RBFOX1: variants seen among roughly 807,000 people sequenced by gnomAD.
RBFOX1 encodes the protein RNA binding fox-1 homolog 1.
RBFOX1 carries 8 observed loss-of-function variants against 57.7 expected under a neutral mutation model. That is an observed-to-expected ratio of 0.14 (90% CI 0.08 to 0.25). The LOEUF is 0.25. Ranked by LOEUF, RBFOX1 falls within the 10% of genes least tolerant of loss-of-function variation. RBFOX1 has a pLI of 1.00. For missense variants in RBFOX1, 611 were observed against 548.5 expected (o/e 1.11, Z -1.14); for synonymous variants, 326 against 222.4 (o/e 1.47, Z -4.15).
At chr16:6,840,887 C>CA (rs1165695098) in intron 3 of RBFOX1, among the ~76,000 whole-genome samples, 1,891 of 45,510 alleles carry the variant, frequency 0.042, 28 homozygotes, top group Non-Finnish European at 0.046. Flanking sequence ...GACTCTGTCT[C>CA]AAAAAAAAAA....
At chr16:5,742,047 G>A (rs1441934847) in intron 3 of RBFOX1, among the ~76,000 whole-genome samples, 1 of 152,102 alleles carries the variant, frequency 6.6e-6, no homozygotes, top group African/African-American at 2.4e-5. Context: ...TAATAAATCA[G>A]ATTTTTAAAA....
chr16:6,209,561 C>G (rs1388024367), intron 1 of RBFOX1, among the ~76,000 whole-genome samples: 2 of 152,332 alleles, frequency 1.3e-5, no homozygotes, highest in East Asian at 3.9e-4. Flanking sequence ...GCAGTAAAAA[C>G]TCTGACCATA....
chr16:7,492,697 TTGG>T (rs1304095339), intron 4 of RBFOX1, among the ~76,000 whole-genome samples: 2 of 152,014 alleles, frequency 1.3e-5, no homozygotes, highest in African/African-American at 4.8e-5. Context: ...TGCCATACCC[TTGG>T]TGGTAGTGGC....
intron 3 of RBFOX1, among the ~76,000 whole-genome samples, chr16:6,674,880 G>A (rs933294364): frequency 2.0e-5 from 3 of 151,934 alleles, no homozygotes; most frequent in African/African-American, 7.3e-5. Flanking sequence ...TTACTGTTGT[G>A]TTTTTTGTTT....
rs115363591 is a variant in RBFOX1, at chr16:5,898,953, C to T, written c.351+31618C>T. On this transcript the variant is annotated intron_variant, in intron 4 of 19. Coordinates refer to the RBFOX1 transcript ENST00000641259. The stretch of plus-strand genomic sequence containing the variant: ...TGTCATTTGCCTGTGGTCCCAGCTA[C>T]GTGGGAGGTTGAGGTGAGAGGATCA... 3.5e-3 allele frequency among the ~76,000 whole-genome samples: 524 copies of T among 150,614 alleles called. 3 individuals are homozygous for T. The highest frequency in any genetic ancestry group is 0.012 in the African/African-American group (505 of 40,948).
intron 4 of RBFOX1, among the ~76,000 whole-genome samples, chr16:5,893,824 T>C (rs1259548674): frequency 6.6e-6 from 1 of 150,972 alleles, no homozygotes; most frequent in Non-Finnish European, 1.5e-5. Flanking sequence ...AAAAATCTCA[T>C]GTAACCCATA....
intron 3 of RBFOX1, among the ~76,000 whole-genome samples, chr16:6,692,764 G>T (rs973787668): frequency 1.3e-5 from 2 of 151,774 alleles, no homozygotes; most frequent in Admixed American, 6.6e-5. Flanking sequence ...ACCCACCTCT[G>T]GTATCAACAT....
At chr16:5,647,556 C>G (rs563741821) in intron 3 of RBFOX1, among the ~76,000 whole-genome samples, 8 of 152,244 alleles carry the variant, frequency 5.3e-5, no homozygotes, top group Admixed American at 1.3e-4. Flanking sequence ...GTCTCTGTCC[C>G]GTGGAAACCC....
At chr16:7,336,169 C>A (rs1056736414) in intron 4 of RBFOX1, among the ~76,000 whole-genome samples, 1 of 152,168 alleles carries the variant, frequency 6.6e-6, no homozygotes, top group Non-Finnish European at 1.5e-5. Context: ...CCAAGTCAGC[C>A]TCGAGTCCAG....
rs111294414 is a variant in RBFOX1 at position 5,761,361 on chromosome 16, A to C, written c.319-105942A>C. 6.2e-3 allele frequency among the ~76,000 whole-genome samples: 945 copies of C among 152,262 alleles called. 15 individuals carry two copies. The highest frequency in any genetic ancestry group is 0.021 in the African/African-American group (892 of 41,544). Reference sequence around the variant, plus strand: ...GATAGATCTGGCCTTGCTGTTTGGTAGTTATTTATTTCCCAAGGAATATGT... The same window carrying C: ...GATAGATCTGGCCTTGCTGTTTGGTCGTTATTTATTTCCCAAGGAATATGT... On this transcript the variant is annotated intron_variant, in intron 3 of 19. Coordinates refer to the RBFOX1 transcript ENST00000641259.
intron 4 of RBFOX1, among the ~76,000 whole-genome samples, chr16:7,135,151 C>A (rs7190550): frequency 1.3e-5 from 2 of 152,008 alleles, no homozygotes; most frequent in Non-Finnish European, 2.9e-5. Flanking sequence ...TTTCTGAGTT[C>A]GTGTTTATTT....
At chr16:6,211,631 T>A (rs1040711055) in intron 1 of RBFOX1, among the ~76,000 whole-genome samples, 18 of 152,176 alleles carry the variant, frequency 1.2e-4, no homozygotes, top group African/African-American at 3.1e-4. Flanking sequence ...GGTCCCCGTT[T>A]GTAAAGCAAG....
At chr16:5,658,096 C>G (rs2049513222) in intron 3 of RBFOX1, among the ~76,000 whole-genome samples, 1 of 152,162 alleles carries the variant, frequency 6.6e-6, no homozygotes, top group African/African-American at 2.4e-5. Context: ...GAGAGAATGC[C>G]TGCTCTGTGG....
At chr16:5,590,250 A>T (rs962825958) in intron 2 of RBFOX1, among the ~76,000 whole-genome samples, 4 of 152,146 alleles carry the variant, frequency 2.6e-5, no homozygotes, top group Non-Finnish European at 4.4e-5. Context: ...TGTTCCAAAG[A>T]GGGGAAAAAA....
At chr16:6,618,882 C>T (rs541313587) in intron 2 of RBFOX1, among the ~76,000 whole-genome samples, 1 of 152,234 alleles carries the variant, frequency 6.6e-6, no homozygotes, top group Non-Finnish European at 1.5e-5. Flanking sequence ...TTGTTGTTGT[C>T]CTCCCCTTAG....
intron 1 of RBFOX1, among the ~76,000 whole-genome samples, chr16:5,362,028 T>G (rs1456942299): frequency 6.6e-6 from 1 of 152,234 alleles, no homozygotes; most frequent in Non-Finnish European, 1.5e-5. Flanking sequence ...GCCAACTGCA[T>G]TGCATAAGTT....
chr16:7,168,867 T>C (rs1465279484), intron 4 of RBFOX1, among the ~76,000 whole-genome samples: 1 of 152,226 alleles, frequency 6.6e-6, no homozygotes, highest in Admixed American at 6.5e-5. Flanking sequence ...TACTTTCAAA[T>C]AGGAGGAGTG....
chr16:7,365,138 T>C (rs774062771), intron 4 of RBFOX1, among the ~76,000 whole-genome samples: 16 of 152,210 alleles, frequency 1.1e-4, no homozygotes, highest in Admixed American at 1.3e-4. Context: ...TCATGATGGA[T>C]AGGGTTTCAA....
intron 1 of RBFOX1, among the ~76,000 whole-genome samples, chr16:5,379,005 C>T (rs2066063006): frequency 6.6e-6 from 1 of 151,522 alleles, no homozygotes; most frequent in African/African-American, 2.5e-5. Context: ...CTCAGGACCC[C>T]TCACAGTTTT....
Sources: allele counts gnomAD v4.1 joint callset (sites outside exome capture counted in the v4.1 genomes callset), GRCh38; gene constraint gnomAD v4.1.1; transcripts MANE v1.5; gene names NCBI Gene and HGNC (gene_info 2026-07-23, HGNC 2026-07-21).